Variants in ATP6V0A2 observed in about 807,000 individuals in gnomAD.
ATP6V0A2 encodes the protein V-type proton ATPase 116 kDa subunit a 2.
In ATP6V0A2, 58 loss-of-function variants were observed where a neutral mutation model predicts 104.4. That is an observed-to-expected ratio of 0.56 (90% CI 0.45 to 0.69). ATP6V0A2 has a LOEUF of 0.69. ATP6V0A2 is among the 30% of genes least tolerant of loss of function. ATP6V0A2 has a pLI of 0.00. For missense variants in ATP6V0A2, 938 were observed against 1,062.9 expected (o/e 0.88, Z 1.63); for synonymous variants, 376 against 397.9 (o/e 0.95, Z 0.65).
At chr12:123,734,165 A>G (rs1956529350) in intron 7 of ATP6V0A2, among the ~76,000 whole-genome samples, 157 bp downstream of exon 7, 1 of 152,202 alleles carries the variant, frequency 6.6e-6, no homozygotes, top group African/African-American at 2.4e-5. Flanking sequence ...TTAATTTGTC[A>G]TCTCTCTTAC....
chr12:123,740,625 C>T (rs1252728498), intron 9 of ATP6V0A2, among the ~76,000 whole-genome samples: 1 of 152,114 alleles, frequency 6.6e-6, no homozygotes, highest in East Asian at 1.9e-4. Context: ...GGTATTTGCT[C>T]TACTGTCTTG....
intron 9 of ATP6V0A2, 186 bp downstream of exon 9, chr12:123,737,457 C>G (rs1956566792): frequency 1.5e-6 from 1 of 656,758 alleles, no homozygotes; most frequent in South Asian, 1.7e-5. Flanking sequence ...CTGTGTTGCC[C>G]AGGCTGGTCT....
At chr12:123,719,880 G>T (rs1273550995) in intron 2 of ATP6V0A2, among the ~76,000 whole-genome samples, 1 of 152,092 alleles carries the variant, frequency 6.6e-6, no homozygotes, top group Non-Finnish European at 1.5e-5. Context: ...CCTTCATTTA[G>T]CTGCTACTGT....
At chr12:123,743,983 C>T (rs1182712626) in intron 10 of ATP6V0A2, 48 bp downstream of exon 10, 2 of 1,608,696 alleles carry the variant, frequency 1.2e-6, no homozygotes, top group Non-Finnish European at 1.7e-6. Flanking sequence ...GGCATTGTTG[C>T]ATTCTTGCTC....
Position 123,760,300 on chromosome 12 carries a change from G to A in ATP6V0A2, c.*2268G>A, listed in dbSNP as rs1956798894. On this transcript the variant is annotated 3_prime_UTR_variant, in exon 20 of 20. Coordinates refer to ENST00000330342, the MANE Select transcript of ATP6V0A2 (RefSeq NM_012463.4). ...AATCTATGTAGTATTTATGTAGAAT[G>A]TCATTATATGAAAAGCGAATTCAGA... 6.6e-6 allele frequency: 1 copy of A among 152,210 alleles called. No individual in the cohort carries two copies. Among genetic ancestry groups the A allele is most frequent in the African/African-American group, 2.4e-5 (1 of 41,448 alleles). The allele number at this position is 152,210 out of a possible 1,614,324, so 9.4% of individuals were successfully genotyped here.
At chr12:123,730,262 A>T (rs1206855936) in intron 6 of ATP6V0A2, among the ~76,000 whole-genome samples, 1 of 151,802 alleles carries the variant, frequency 6.6e-6, no homozygotes, top group African/African-American at 2.4e-5. Flanking sequence ...TCACTGTGTT[A>T]GCCAGGATGG....
rs541687367 is a variant in ATP6V0A2 at position 123,743,645 on chromosome 12, C to T, written c.1039-140C>T. The T allele has an allele frequency of 6.0e-5, 55 of 918,266 alleles. 3 individuals are homozygous for T. The South Asian group carries it at 7.9e-4, about 13-fold the overall frequency. The allele number at this position is 918,266 out of a possible 1,614,324, so 56.9% of individuals were successfully genotyped here. On this transcript the variant is annotated intron_variant, in intron 9 of 19. Coordinates refer to ENST00000330342, the MANE Select transcript of ATP6V0A2 (RefSeq NM_012463.4). The stretch of plus-strand genomic sequence containing the variant: ...TCCAGCCTGGGCAACAAGAGTGAAA[C>T]TCCGTCTCAAAAAAAAACAAAACAA...
At position 123,744,949 on chromosome 12, in the gene ATP6V0A2, C is replaced by G; in HGVS notation, c.1582C>G (p.Pro528Ala). The change falls in exon 13 of 20, where the codon CCT becomes GCT. Residue 528 changes from proline to alanine, a missense_variant. Pro to Ala is a conservative substitution (Grantham distance 27). Transcript: ENST00000330342. The surrounding 1 kb of genome is among the most constrained non-coding windows in gnomAD (Gnocchi z 5.4). ...AAGCATTCCTGGAGTGTTCCGAGGC[C>G]CTTATCCCCTTGGCATTGATCCTGT... ...DPSIPGVFRG[P>A]YPLGIDPIWN... The G allele has an allele frequency of 6.2e-7, 1 of 1,614,200 alleles. No individual in the cohort carries two copies. Among genetic ancestry groups the G allele is most frequent in the Non-Finnish European group, 8.5e-7 (1 of 1,180,026 alleles).
In ATP6V0A2 at chr12:123,744,986, G is replaced by C; in HGVS notation, c.1605+14G>C. 1.9e-6 allele frequency: 3 copies of C among 1,612,142 alleles called. No individual in the cohort carries two copies. The highest frequency in any genetic ancestry group is 1.7e-6 in the Non-Finnish European group (2 of 1,178,234). ...GGCATTGATCCTGTGAGTGCACCAC[G>C]CTCTGTCGTTGTCTCTGGATGCTCT... On this transcript the variant is annotated intron_variant, in intron 13 of 19. Coordinates refer to ENST00000330342, the MANE Select transcript of ATP6V0A2 (RefSeq NM_012463.4). The surrounding 1 kb of genome is among the most constrained non-coding windows in gnomAD (Gnocchi z 5.4).
intron 18 of ATP6V0A2, among the ~76,000 whole-genome samples, chr12:123,755,697 A>C (rs1019944748): frequency 6.6e-6 from 1 of 151,762 alleles, no homozygotes; most frequent in Non-Finnish European, 1.5e-5. Flanking sequence ...TTTAAATAAC[A>C]GACAAAAGAC....
intron 2 of ATP6V0A2, chr12:123,721,567 G>T: frequency 4.9e-6 from 1 of 203,938 alleles, no homozygotes; most frequent in Admixed American, 4.5e-5. Context: ...TCTTCATGAG[G>T]ATTGGCTTTG....
chr12:123,734,841 A>G (rs1208417797), intron 7 of ATP6V0A2, among the ~76,000 whole-genome samples: 3 of 152,232 alleles, frequency 2.0e-5, no homozygotes, highest in African/African-American at 7.2e-5. Context: ...TTTTATTTTC[A>G]TAGATAGATA....
In ATP6V0A2 at chr12:123,742,836, T is replaced by TA. The variant is rs55952758; in HGVS notation, c.1039-936dup. On this transcript the variant is annotated intron_variant, in intron 9 of 19. Coordinates refer to ENST00000330342, the MANE Select transcript of ATP6V0A2 (RefSeq NM_012463.4). Reference sequence around the variant, plus strand: ...GGGTGACAGAGCGAGACTCCTTCTTTAAAAAAAAAAAAAGACTTATTTTGA... The same window carrying TA: ...GGGTGACAGAGCGAGACTCCTTCTTTAAAAAAAAAAAAAAGACTTATTTTGA... Among the ~76,000 whole-genome samples, 1,161 of 143,126 alleles carry TA rather than the reference T, an allele frequency of 8.1e-3. 13 individuals are homozygous for TA. The highest frequency in any genetic ancestry group is 0.027 in the African/African-American group (1,042 of 39,134). 93.9% of individuals were successfully genotyped at this position (143,126 alleles called of 152,430 possible).
In ATP6V0A2 at chr12:123,758,009, A is replaced by G. The variant is rs1225705374; in HGVS notation, c.2548A>G (p.Asn850Asp). 6.2e-7 allele frequency: 1 copy of G among 1,612,360 alleles called. No individual in the cohort carries two copies. The highest frequency in any genetic ancestry group is 8.5e-7 in the Non-Finnish European group (1 of 1,178,812). Residue 850 changes from asparagine to aspartate, a missense_variant, in exon 20 of 20, where the codon AAT becomes GAT. Physicochemically the swap from Asn to Asp is conservative, Grantham distance 23. Transcript: ENST00000330342. ...ATTCAGTCTACTTTCATCAAAGTTCAATAACGACGACAGTGTGGCATGATC... is the reference window on the plus strand; with the variant it reads ...ATTCAGTCTACTTTCATCAAAGTTCGATAACGACGACAGTGTGGCATGATC... ...FSFSLLSSKF[N>D]NDDSVA
At chr12:123,718,932 C>T (rs1369493145) in intron 2 of ATP6V0A2, among the ~76,000 whole-genome samples, 1 of 151,574 alleles carries the variant, frequency 6.6e-6, no homozygotes, top group Non-Finnish European at 1.5e-5. Flanking sequence ...TTGTTGTTAC[C>T]CTTGTTTTTT....
chr12:123,717,335 A>G (rs1307788170), intron 1 of ATP6V0A2, among the ~76,000 whole-genome samples: 2 of 148,878 alleles, frequency 1.3e-5, no homozygotes, highest in Non-Finnish European at 3.0e-5. Context: ...AAAAAAAAAA[A>G]AGAGAAAGTC....
At chr12:123,737,473 T>A in intron 9 of ATP6V0A2, 1 of 590,748 alleles carries the variant, frequency 1.7e-6, no homozygotes, top group South Asian at 1.9e-5. Context: ...GGTCTCAAAC[T>A]CCTGGCCCCG....
At chr12:123,748,422 G>GT (rs2135914286) in intron 14 of ATP6V0A2, among the ~76,000 whole-genome samples, 153 bp from the exon 15 acceptor site, 1 of 152,370 alleles carries the variant, frequency 6.6e-6, no homozygotes, top group Non-Finnish European at 1.5e-5. Flanking sequence ...CCTCGTAGAT[G>GT]TATCTGGACA....
intron 7 of ATP6V0A2, among the ~76,000 whole-genome samples, chr12:123,734,805 A>C (rs1956535173): frequency 6.6e-6 from 1 of 152,224 alleles, no homozygotes; most frequent in African/African-American, 2.4e-5. Context: ...AATAGAAAGT[A>C]ATTTCAGGTG....
Sources: gnomAD v4.1 joint callset for allele counts (sites outside exome capture counted in the v4.1 genomes callset) on GRCh38, gnomAD v4.1.1 for gene constraint, Gnocchi (gnomAD v3.1) non-coding constraint, MANE v1.5 for transcripts, NCBI Gene and HGNC (gene_info 2026-07-23, HGNC 2026-07-21) for gene names.